Variants in TNNI3K observed in about 807,000 individuals in gnomAD.
TNNI3K encodes the protein TNNI3 interacting kinase, also known as serine/threonine-protein kinase TNNI3K.
A neutral mutation model predicts 114.5 loss-of-function variants in TNNI3K; 140 were observed. The ratio of observed to expected loss-of-function variants is 1.22; its 90% confidence interval spans 1.07 to 1.41. The LOEUF (loss-of-function observed/expected upper bound fraction) is 1.41. Among genes scored for constraint, TNNI3K ranks in the 40% most tolerant of loss-of-function variants. TNNI3K has a pLI of 0.00. For missense variants in TNNI3K, 1,125 were observed against 1,007.6 expected, an observed-to-expected ratio of 1.12 and a Z score of -1.58; for synonymous variants, 347 against 347.5, an observed-to-expected ratio of 1.00 and a Z score of 0.02.
intron 4 of TNNI3K, among the ~76,000 whole-genome samples, chr1:74,260,504 C>T (rs1655598125): frequency 6.6e-6 from 1 of 152,052 alleles, no homozygotes; most frequent in South Asian, 2.1e-4. Flanking sequence ...TTTCTAACCT[C>T]TAAAATGAAG....
At chr1:74,326,170 A>T (rs891300251) in intron 5 of TNNI3K, among the ~76,000 whole-genome samples, 2 of 152,220 alleles carry the variant, frequency 1.3e-5, no homozygotes, top group Non-Finnish European at 2.9e-5. Context: ...CCAAGTGTAG[A>T]TATTTATTGA....
At chr1:74,259,061 C>A (rs1655508666) in intron 4 of TNNI3K, among the ~76,000 whole-genome samples, 1 of 152,158 alleles carries the variant, frequency 6.6e-6, no homozygotes, top group African/African-American at 2.4e-5. Context: ...ATTTCCTTTC[C>A]AGCCCTATTC....
At chr1:74,292,278 C>G (rs893075747) in intron 5 of TNNI3K, among the ~76,000 whole-genome samples, 1 of 151,198 alleles carries the variant, frequency 6.6e-6, no homozygotes, top group African/African-American at 2.4e-5. Flanking sequence ...TATAATTTCA[C>G]TACTGTTTTT....
At chr1:74,386,346 C>A (rs1292440845) in intron 17 of TNNI3K, among the ~76,000 whole-genome samples, 1 of 151,436 alleles carries the variant, frequency 6.6e-6, no homozygotes, top group Admixed American at 6.6e-5. Flanking sequence ...AAAAAAAATA[C>A]CCTAAAATCA....
chr1:74,397,966 A>T (rs1231291051), intron 17 of TNNI3K, among the ~76,000 whole-genome samples: 2 of 152,234 alleles, frequency 1.3e-5, no homozygotes, highest in Non-Finnish European at 2.9e-5. Flanking sequence ...AAAGATCTGG[A>T]CAGAGCAGGG....
At chr1:74,375,273 C>T (rs1662848377) in intron 17 of TNNI3K, 1 of 158,874 alleles carries the variant, frequency 6.3e-6, no homozygotes, top group Admixed American at 6.2e-5. Flanking sequence ...TCTGACTTGA[C>T]TCCACTTTGC....
intron 5 of TNNI3K, among the ~76,000 whole-genome samples, chr1:74,328,633 C>T (rs976218395): frequency 6.6e-6 from 1 of 152,086 alleles, no homozygotes; most frequent in Non-Finnish European, 1.5e-5. Context: ...TTAAAACTTA[C>T]ATTTTGACAC....
chr1:74,358,204 C>T (rs1187019148), intron 11 of TNNI3K, among the ~76,000 whole-genome samples: 1 of 151,990 alleles, frequency 6.6e-6, no homozygotes. Flanking sequence ...AGTACTGACA[C>T]CAGTTAAAGT....
chr1:74,244,495 T>C (rs1654436632), intron 2 of TNNI3K, among the ~76,000 whole-genome samples: 1 of 152,046 alleles, frequency 6.6e-6, no homozygotes, highest in Admixed American at 6.6e-5. Flanking sequence ...ATTCATCTAG[T>C]GCCTTTCTTT....
At chr1:74,517,994 T>A (rs2100402234) in intron 23 of TNNI3K, among the ~76,000 whole-genome samples, 1 of 152,294 alleles carries the variant, frequency 6.6e-6, no homozygotes, top group African/African-American at 2.4e-5. Flanking sequence ...GTGGTCAGCA[T>A]ACGGTGGGAA....
intron 6 of TNNI3K, 82 bp from the exon 7 acceptor site, chr1:74,335,929 C>T (rs1264969388): frequency 2.8e-6 from 4 of 1,445,694 alleles, no homozygotes; most frequent in Admixed American, 5.6e-5. Flanking sequence ...TGGTTTAAGC[C>T]AGTTGTGTTC....
intron 17 of TNNI3K, among the ~76,000 whole-genome samples, chr1:74,392,469 C>T (rs1011119520): frequency 1.3e-5 from 2 of 152,200 alleles, no homozygotes; most frequent in African/African-American, 4.8e-5. Context: ...TCTCAAGTCA[C>T]TAGACCGTGC....
intron 5 of TNNI3K, among the ~76,000 whole-genome samples, chr1:74,302,075 C>T (rs192613937): frequency 1.6e-3 from 250 of 152,244 alleles, no homozygotes; most frequent in African/African-American, 5.9e-3. Context: ...TCCAGTCTGT[C>T]GGCATCATAT....
At chr1:74,301,604 C>G (rs1658335406) in intron 5 of TNNI3K, among the ~76,000 whole-genome samples, 1 of 152,144 alleles carries the variant, frequency 6.6e-6, no homozygotes, top group Admixed American at 6.5e-5. Context: ...TCCATTGTGT[C>G]CTGGGAGATA....
chr1:74,304,072 T>C (rs1401869886), intron 5 of TNNI3K, among the ~76,000 whole-genome samples: 1 of 152,224 alleles, frequency 6.6e-6, no homozygotes, highest in Non-Finnish European at 1.5e-5. Flanking sequence ...AATCTACTCC[T>C]GGTGAAGATA....
At chr1:74,334,649 A>G (rs1479352163) in intron 6 of TNNI3K, among the ~76,000 whole-genome samples, 1 of 152,208 alleles carries the variant, frequency 6.6e-6, no homozygotes, top group African/African-American at 2.4e-5. Flanking sequence ...CACATGCTTC[A>G]TTACTTTATC....
chr1:74,486,234 G>GAGAGAGAGA, intron 21 of TNNI3K, among the ~76,000 whole-genome samples: 1 of 56,262 alleles, frequency 1.8e-5, no homozygotes, highest in East Asian at 1.4e-3. Context: ...AGAGAGAGAG[G>GAGAGAGAGA]TGGGAAATAT....
chr1:74,260,399 G>T (rs1655593350), intron 4 of TNNI3K, among the ~76,000 whole-genome samples: 1 of 152,124 alleles, frequency 6.6e-6, no homozygotes, highest in Non-Finnish European at 1.5e-5. Context: ...AAGACTGTCA[G>T]CTTAGAAGCT....
intron 5 of TNNI3K, among the ~76,000 whole-genome samples, chr1:74,287,204 GC>G (rs1657386766): frequency 6.6e-6 from 1 of 152,090 alleles, no homozygotes; most frequent in South Asian, 2.1e-4. Flanking sequence ...ACGTGGAAAA[GC>G]CTACAGCACT....
Sources: gnomAD v4.1 joint callset for allele counts (sites outside exome capture counted in the v4.1 genomes callset) on GRCh38, gnomAD v4.1.1 for gene constraint, MANE v1.5 for transcripts, NCBI Gene and HGNC (gene_info 2026-07-23, HGNC 2026-07-21) for gene names.